Variants in CNTNAP2 observed in about 807,000 individuals in gnomAD.
CNTNAP2 encodes contactin-associated protein-like 2.
CNTNAP2 carries 98 observed loss-of-function variants against 155.2 expected under a neutral mutation model. That is an observed-to-expected ratio of 0.63 (90% CI 0.54 to 0.75). The LOEUF is 0.75. Among genes scored for constraint, CNTNAP2 ranks in the 30% least tolerant of loss-of-function variants. CNTNAP2 has a pLI of 0.00. For missense variants in CNTNAP2, 1,727 were observed against 1,688.1 expected, an observed-to-expected ratio of 1.02 and a Z score of -0.40; for synonymous variants, 651 against 631.2, an observed-to-expected ratio of 1.03 and a Z score of -0.47.
intron 1 of CNTNAP2, among the ~76,000 whole-genome samples, chr7:146,492,098 T>TAAA (rs1797149038): frequency 6.6e-6 from 1 of 152,034 alleles, no homozygotes; most frequent in East Asian, 1.9e-4. Flanking sequence ...GGAACGTGAG[T>TAAA]AAAAACAAAC....
chr7:146,383,246 C>T (rs1156274860), intron 1 of CNTNAP2, among the ~76,000 whole-genome samples: 4 of 152,118 alleles, frequency 2.6e-5, no homozygotes, highest in Non-Finnish European at 5.9e-5. Context: ...GTTGCTTTGA[C>T]TGCTAAAATG....
chr7:147,116,987 A>G (rs1403985317), intron 5 of CNTNAP2, among the ~76,000 whole-genome samples: 1 of 152,146 alleles, frequency 6.6e-6, no homozygotes, highest in Non-Finnish European at 1.5e-5. Context: ...TCGAGGCTCC[A>G]TCTGGTCTCA....
chr7:146,851,084 A>G (rs1794869165), intron 3 of CNTNAP2, among the ~76,000 whole-genome samples: 1 of 152,052 alleles, frequency 6.6e-6, no homozygotes, highest in African/African-American at 2.4e-5. Context: ...TCCCAAGTTC[A>G]AGCGATTCTC....
In CNTNAP2 at chr7:148,365,889, TGTGTATGCATGTATACATGC is replaced by T. The variant is rs1563059547; in HGVS notation, c.3476-17700_3476-17681del. On this transcript the variant is annotated intron_variant, in intron 21 of 23. Transcript: ENST00000361727. ...GTATGTGTATGCATGTATACATGTA[TGTGTATGCATGTATACATGC>T]GTGTATGCATGTATACATGCGTGTA... Among the ~76,000 whole-genome samples the T allele has an allele frequency of 5.2e-4, 21 of 40,396 alleles. 8 individuals carry two copies. The highest frequency in any genetic ancestry group is 1.4e-3 in the African/African-American group (21 of 15,344). The allele number at this position is 40,396 out of a possible 152,430, so 26.5% of individuals were successfully genotyped here. A position where few individuals can be genotyped will look rare whatever the true frequency, so the allele number is the denominator to read the frequency against.
chr7:147,976,929 A>G (rs1208116494), intron 14 of CNTNAP2, among the ~76,000 whole-genome samples: 1 of 152,026 alleles, frequency 6.6e-6, no homozygotes, highest in African/African-American at 2.4e-5. Flanking sequence ...AATCATCTGA[A>G]AGGGTAAATT....
At chr7:147,555,433 T>C (rs544373886) in intron 11 of CNTNAP2, among the ~76,000 whole-genome samples, 1 of 152,288 alleles carries the variant, frequency 6.6e-6, no homozygotes, top group South Asian at 2.1e-4. Flanking sequence ...TACAAGTATA[T>C]AGTAAGCATG....
At chr7:147,158,984 A>T (rs2116449569) in intron 8 of CNTNAP2, among the ~76,000 whole-genome samples, 1 of 152,234 alleles carries the variant, frequency 6.6e-6, no homozygotes, top group East Asian at 1.9e-4. Context: ...TTCCCTGAGG[A>T]TTCAGTGGTT....
At chr7:147,327,209 G>A (rs1795477161) in intron 9 of CNTNAP2, among the ~76,000 whole-genome samples, 1 of 152,144 alleles carries the variant, frequency 6.6e-6, no homozygotes, top group South Asian at 2.1e-4. Context: ...ACTCTTCTGA[G>A]CATTTTGCTG....
At chr7:147,982,275 G>A (rs1324135744) in intron 15 of CNTNAP2, among the ~76,000 whole-genome samples, 1 of 149,974 alleles carries the variant, frequency 6.7e-6, no homozygotes, top group Non-Finnish European at 1.5e-5. Context: ...AAATACTTTG[G>A]AGCAAGTTTG....
intron 2 of CNTNAP2, among the ~76,000 whole-genome samples, chr7:146,793,026 TTTAG>T (rs1349582879): frequency 3.3e-5 from 5 of 152,200 alleles, no homozygotes; most frequent in African/African-American, 9.7e-5. Flanking sequence ...TTTTATATGT[TTTAG>T]TTAAACTAAA....
At chr7:147,891,493 A>G (rs192071869) in intron 13 of CNTNAP2, among the ~76,000 whole-genome samples, 2,163 of 152,244 alleles carry the variant, frequency 0.014, 23 homozygotes, top group Non-Finnish European at 0.023. Context: ...ATGAGCCACC[A>G]CGCCCAGCCA....
At chr7:147,912,047 A>G (rs1327688159) in intron 14 of CNTNAP2, among the ~76,000 whole-genome samples, 1 of 152,318 alleles carries the variant, frequency 6.6e-6, no homozygotes, top group East Asian at 1.9e-4. Context: ...TATTTTCTGA[A>G]TGTGACCTGA....
intron 10 of CNTNAP2, among the ~76,000 whole-genome samples, chr7:147,462,970 CTG>C (rs780875418): frequency 9.9e-5 from 15 of 152,284 alleles, no homozygotes; most frequent in Non-Finnish European, 1.9e-4. Context: ...AATGGTAAAA[CTG>C]TTTTATTTGA....
chr7:146,947,022 AATTT>A (rs952224561), intron 3 of CNTNAP2, among the ~76,000 whole-genome samples: 2 of 151,826 alleles, frequency 1.3e-5, no homozygotes, highest in Non-Finnish European at 2.9e-5. Context: ...TAAAAATATC[AATTT>A]ATTTATTTAT....
Position 147,205,611 on chromosome 7 carries a change from A to C in CNTNAP2, c.1348+73102A>C, listed in dbSNP as rs573845961. Among the ~76,000 whole-genome samples, 3 of 152,178 alleles carry C rather than the reference A, an allele frequency of 2.0e-5. No individual in the cohort carries two copies. The South Asian group carries it at 6.2e-4, about 32-fold the overall frequency. ...GATGGGAAGTGGTGAACATTATGTT[A>C]AGTAAAATAAGGCAGACAGAAAAAG... On this transcript the variant is annotated intron_variant, in intron 8 of 23. Coordinates refer to ENST00000361727, the MANE Select transcript of CNTNAP2 (RefSeq NM_014141.6).
rs536061997 is a variant in CNTNAP2 at position 147,134,139 on chromosome 7, A to G, written c.1348+1630A>G. Among the ~76,000 whole-genome samples, 11 of 152,044 alleles carry G rather than the reference A, an allele frequency of 7.2e-5. No individual in the cohort carries two copies. In the South Asian group the frequency reaches 2.3e-3, roughly 32 times the overall value. ...TCCTTGCAGTCTCTGAGCAAATCCG[A>G]TTTGCTGGTGGGTTTCCATGTAACA... On this transcript the variant is annotated intron_variant, in intron 8 of 23. Transcript: ENST00000361727.
chr7:147,015,764 T>G (rs2129244942), intron 3 of CNTNAP2, among the ~76,000 whole-genome samples: 1 of 152,114 alleles, frequency 6.6e-6, no homozygotes, highest in Middle Eastern at 3.4e-3. Flanking sequence ...GCCTCAGATA[T>G]CTCTTAAACT....
At chr7:146,424,336 A>C (rs1796056098) in intron 1 of CNTNAP2, among the ~76,000 whole-genome samples, 1 of 152,234 alleles carries the variant, frequency 6.6e-6, no homozygotes, top group African/African-American at 2.4e-5. Context: ...AAGCAAGATC[A>C]GCAAAGGGAA....
At chr7:147,656,395 G>A (rs927979467) in intron 13 of CNTNAP2, among the ~76,000 whole-genome samples, 4 of 152,144 alleles carry the variant, frequency 2.6e-5, no homozygotes, top group Non-Finnish European at 5.9e-5. Context: ...GCTTAATGAT[G>A]TCTAGCTTTT....
Sources: gnomAD v4.1 joint callset for allele counts (sites outside exome capture counted in the v4.1 genomes callset) on GRCh38, gnomAD v4.1.1 for gene constraint, MANE v1.5 for transcripts, NCBI Gene and HGNC (gene_info 2026-07-23, HGNC 2026-07-21) for gene names.